IREB2: variants seen among roughly 807,000 people sequenced by gnomAD.
IREB2 encodes the protein iron responsive element binding protein 2.
In IREB2, 39 loss-of-function variants were observed where a neutral mutation model predicts 118.8. The observed-to-expected ratio is 0.33, with a 90% CI of 0.25 to 0.43. IREB2 has a LOEUF of 0.43. IREB2 is among the 20% of genes least tolerant of loss of function. The probability of loss-of-function intolerance (pLI) is 1.00; values close to 1 mark genes in which losing one functional copy is unlikely to be tolerated. For missense variants in IREB2, 900 were observed against 1,147.3 expected (o/e 0.78, Z 3.11); for synonymous variants, 372 against 392.2 (o/e 0.95, Z 0.61).
chr15:78,465,105 C>A, intron 3 of IREB2, 146 bp from the exon 4 acceptor site: 1 of 636,190 alleles, frequency 1.6e-6, no homozygotes, highest in Non-Finnish European at 2.6e-6. Context: ...AAACAGGATA[C>A]TCCTAACTTA....
chr15:78,486,984 G>A lies in IREB2; in HGVS notation c.1710-749G>A, dbSNP rs1460756946. ...CACACCCAGCCTAGTTATATTTTCG[G>A]TGTGTATTTTGGAACATATGAGTCA... On this transcript the variant is annotated intron_variant, in intron 13 of 21. Transcript: ENST00000258886. Among the ~76,000 whole-genome samples, 4 of 152,128 alleles carry A rather than the reference G, an allele frequency of 2.6e-5. No individual in the cohort carries two copies. The East Asian group carries it at 5.8e-4, about 22-fold the overall frequency.
chr15:78,466,241 CTTTAT>C lies in IREB2; in HGVS notation c.411-26_411-22del, dbSNP rs776947653. 6 of 1,494,394 alleles carry C rather than the reference CTTTAT, an allele frequency of 4.0e-6. No homozygotes were observed. The African/African-American group carries it at 7.0e-5, about 17-fold the overall frequency. The allele number at this position is 1,494,394 out of a possible 1,614,324, so 92.6% of individuals were successfully genotyped here. On this transcript the variant is annotated intron_variant, in intron 4 of 21. Coordinates refer to ENST00000258886, the MANE Select transcript of IREB2 (RefSeq NM_004136.4). ...CTAAATTTGTGTCCCTTTTAAATGG[CTTTAT>C]TTTGTTTTCTTTTTGGAATGACAGT...
At chr15:78,438,651 T>G (rs2050794724) in intron 1 of IREB2, 2 of 493,918 alleles carry the variant, frequency 4.0e-6, no homozygotes, top group South Asian at 2.6e-5. Flanking sequence ...AGCGGCTTCC[T>G]GGCCCCCGTC....
At chr15:78,483,723 T>C (rs1243353682) in intron 11 of IREB2, among the ~76,000 whole-genome samples, 1 of 152,094 alleles carries the variant, frequency 6.6e-6, no homozygotes, top group Non-Finnish European at 1.5e-5. Flanking sequence ...AAATGCTGAA[T>C]ACATATGGGT....
intron 2 of IREB2, among the ~76,000 whole-genome samples, chr15:78,442,243 A>G (rs4887056): frequency 0.29 from 44,081 of 151,724 alleles, 6,697 homozygotes; most frequent in Middle Eastern, 0.39. Context: ...TTATTAAGTA[A>G]TAATTACTTA....
At position 78,488,172 on chromosome 15, in the gene IREB2, T is replaced by C; in HGVS notation, c.1795-8T>C. The C allele has an allele frequency of 6.2e-7, 1 of 1,602,732 alleles. No homozygotes were observed. Among genetic ancestry groups the C allele is most frequent in the Non-Finnish European group, 8.5e-7 (1 of 1,176,020 alleles). On this transcript the variant is annotated splice_region_variant and splice_polypyrimidine_tract_variant and intron_variant, in intron 14 of 21. Coordinates refer to ENST00000258886, the MANE Select transcript of IREB2 (RefSeq NM_004136.4). ...ATTTATTTGTTTGTGTGTTTGTGTT[T>C]TTTTCAGGGTGATTTGGTTACCTGT...
At chr15:78,453,210 G>A (rs2051053262) in intron 2 of IREB2, among the ~76,000 whole-genome samples, 1 of 152,206 alleles carries the variant, frequency 6.6e-6, no homozygotes, top group Non-Finnish European at 1.5e-5. Flanking sequence ...ATGGAAAATT[G>A]TCTTCCAACA....
intron 2 of IREB2, among the ~76,000 whole-genome samples, 199 bp downstream of exon 2, chr15:78,440,080 A>G (rs1427834271): frequency 6.6e-6 from 1 of 152,214 alleles, no homozygotes; most frequent in Non-Finnish European, 1.5e-5. Context: ...TTAACTTCTC[A>G]TTTAAAAATC....
intron 2 of IREB2, among the ~76,000 whole-genome samples, chr15:78,452,503 G>T (rs1259842006): frequency 6.6e-6 from 1 of 152,144 alleles, no homozygotes; most frequent in South Asian, 2.1e-4. Context: ...GCAGTATAGA[G>T]TAAGAAAAAA....
chr15:78,473,908 A>T (rs1504550), intron 8 of IREB2: 1 of 152,118 alleles, frequency 6.6e-6, no homozygotes, highest in Non-Finnish European at 1.5e-5. Flanking sequence ...TTATTTGCCC[A>T]TTAGAAACTG....
intron 8 of IREB2, chr15:78,475,682 C>CA (rs531095579): frequency 0.16 from 22,722 of 138,974 alleles, 1,701 homozygotes; most frequent in Non-Finnish European, 0.17. Context: ...CCTGTCTCTA[C>CA]AAAAAAAAAA....
rs757461055 is a variant in IREB2, at chr15:78,498,098, C to T, written c.2847C>T (p.Tyr949=). The T allele has an allele frequency of 6.2e-7, 1 of 1,612,498 alleles. No homozygotes were observed. The highest frequency in any genetic ancestry group is 1.7e-5 in the Admixed American group (1 of 59,992). ...SFEDDVEITL[Y]KHGGLLNFVA... Reference sequence around the variant, plus strand: ...AAGATGATGTGGAAATAACATTATACAAACATGGAGGATTATTAAACTTTG... The same window carrying T: ...AAGATGATGTGGAAATAACATTATATAAACATGGAGGATTATTAAACTTTG... The change falls in exon 22 of 22, where the codon TAC becomes TAT. Residue 949 remains tyrosine, a synonymous_variant. Coordinates refer to ENST00000258886, the MANE Select transcript of IREB2 (RefSeq NM_004136.4).
upstream of IREB2, chr15:78,437,461 T>A (rs2050769973): frequency 6.6e-6 from 1 of 152,402 alleles, no homozygotes; most frequent in Non-Finnish European, 1.5e-5. Context: ...GATTGAGATA[T>A]GTGAGATTAG....
chr15:78,458,810 G>C (rs143159564), intron 2 of IREB2, among the ~76,000 whole-genome samples: 9 of 152,104 alleles, frequency 5.9e-5, no homozygotes, highest in African/African-American at 2.2e-4. Flanking sequence ...AAATATATTC[G>C]TTTTGTTGTT....
In IREB2 at chr15:78,497,378, A is replaced by G. The variant is rs559700974; in HGVS notation, c.2781+67A>G. On this transcript the variant is annotated intron_variant, in intron 21 of 21. Coordinates refer to ENST00000258886, the MANE Select transcript of IREB2 (RefSeq NM_004136.4). ...GTTTATGAATTATTGAATAAGAATC[A>G]ATTGCTGTAAATTATATACTAATGT... 8.5e-5 allele frequency: 96 copies of G among 1,125,476 alleles called. No individual in the cohort carries two copies. In the African/African-American group the frequency reaches 1.2e-3, roughly 14 times the overall value. 69.7% of individuals were successfully genotyped at this position (1,125,476 alleles called of 1,614,324 possible).
intron 5 of IREB2, among the ~76,000 whole-genome samples, chr15:78,468,672 T>C (rs2051325940): frequency 6.6e-6 from 1 of 152,188 alleles, no homozygotes; most frequent in Admixed American, 6.5e-5. Flanking sequence ...ATACGTTAAT[T>C]CCTTTGTCCC....
Position 78,466,444 on chromosome 15 carries a change from A to G in IREB2, c.584A>G (p.Glu195Gly), listed in dbSNP as rs1488075799. The change falls in exon 5 of 22, where the codon GAG becomes GGG. Residue 195 changes from glutamate (E) to glycine (G), a missense_variant. By Grantham distance (98) the Glu-to-Gly change is moderately conservative. Coordinates refer to ENST00000258886, the MANE Select transcript of IREB2 (RefSeq NM_004136.4). The part of the protein sequence containing the change: ...RNSGTFSSQI[E>G]NTPILCPFHL... ...TCAGGAACATTTTCTTCGCAGATTG[A>G]GAATACACCCATCCTGTGTCCTTTT... 6.2e-7 allele frequency: 1 copy of G among 1,614,154 alleles called. No individual in the cohort carries two copies. The highest frequency in any genetic ancestry group is 1.3e-5 in the African/African-American group (1 of 75,050).
At chr15:78,471,226 C>G (rs943951228) in intron 6 of IREB2, among the ~76,000 whole-genome samples, 1 of 152,144 alleles carries the variant, frequency 6.6e-6, no homozygotes, top group Non-Finnish European at 1.5e-5. Flanking sequence ...CCAGGCTGGT[C>G]TCGAGCTCTT....
At position 78,473,120 on chromosome 15, in the gene IREB2, A is replaced by G. The variant is rs181258981; in HGVS notation, c.884-122A>G. 692 of 870,126 alleles carry G rather than the reference A, an allele frequency of 8.0e-4. 1 individual carries two copies. Among genetic ancestry groups the G allele is most frequent in the Admixed American group, 1.1e-3 (44 of 40,062 alleles). 53.9% of individuals were successfully genotyped at this position (870,126 alleles called of 1,614,324 possible). On this transcript the variant is annotated intron_variant, in intron 7 of 21. Transcript: ENST00000258886. ...GGGTTCAGTGTCCACATTAATAGCA[A>G]TATAGCAACTCTGCAAAGTACTGTG...
Sources: gnomAD v4.1 joint callset for allele counts (sites outside exome capture counted in the v4.1 genomes callset) on GRCh38, gnomAD v4.1.1 for gene constraint, MANE v1.5 for transcripts, NCBI Gene and HGNC (gene_info 2026-07-23, HGNC 2026-07-21) for gene names.